The following SAMMSON variants were observed in gnomAD, a reference collection of about 807,000 sequenced individuals.
The protein encoded by SAMMSON is survival associated mitochondrial melanoma specific oncogenic non-coding RNA.
intron 7 of SAMMSON, among the ~76,000 whole-genome samples, chr3:70,340,787 C>T (rs1414389013): frequency 6.6e-6 from 1 of 152,036 alleles, no homozygotes; most frequent in Admixed American, 6.6e-5. Context: ...TGATTTTGCC[C>T]CTTGCACCTT....
At chr3:70,112,941 T>C (rs914343492) in intron 4 of SAMMSON, among the ~76,000 whole-genome samples, 5 of 152,142 alleles carry the variant, frequency 3.3e-5, no homozygotes, top group Admixed American at 6.5e-5. Context: ...GGAACATATT[T>C]TGGAGTATTG....
At chr3:70,303,767 C>T (rs906045312) in intron 7 of SAMMSON, among the ~76,000 whole-genome samples, 14 of 152,206 alleles carry the variant, frequency 9.2e-5, no homozygotes, top group African/African-American at 2.2e-4. Context: ...CTGCAACCTC[C>T]GCCTCCTGGG....
intron 7 of SAMMSON, among the ~76,000 whole-genome samples, chr3:70,342,430 T>C (rs1299653849): frequency 6.6e-6 from 1 of 152,182 alleles, no homozygotes; most frequent in East Asian, 1.9e-4. Context: ...CATGAATAAT[T>C]GATGACAACT....
intron 4 of SAMMSON, among the ~76,000 whole-genome samples, chr3:70,140,706 A>G (rs1263280040): frequency 2.0e-5 from 3 of 152,178 alleles, no homozygotes; most frequent in African/African-American, 7.2e-5. Flanking sequence ...CCAAATATCC[A>G]ATTTCTTTGC....
At chr3:70,377,986 T>C (rs1468002125) in intron 9 of SAMMSON, among the ~76,000 whole-genome samples, 3 of 152,078 alleles carry the variant, frequency 2.0e-5, no homozygotes, top group African/African-American at 7.2e-5. Context: ...CATACATTGA[T>C]GGTGGGATTG....
Position 70,314,012 on chromosome 3 carries a change from A to G in SAMMSON, n.739+22769A>G, listed in dbSNP as rs566924529. The stretch of plus-strand genomic sequence containing the variant: ...TGCTTCTGTTATCAATACTCCTAGA[A>G]ATGTTTCCATCTCCACCCCTACCTT... On this transcript the variant is annotated intron_variant and non_coding_transcript_variant, in intron 7 of 9. Transcript: ENST00000642114. Among the ~76,000 whole-genome samples the G allele has an allele frequency of 3.9e-5, 6 of 152,200 alleles. 1 individual carries two copies. In the East Asian group the frequency reaches 1.2e-3, roughly 30 times the overall value.
chr3:70,330,645 C>G (rs528165814), intron 7 of SAMMSON, among the ~76,000 whole-genome samples: 1 of 151,994 alleles, frequency 6.6e-6, no homozygotes, highest in East Asian at 1.9e-4. Flanking sequence ...TAATATTATG[C>G]TATTTGAGTC....
At chr3:70,270,415 T>A (rs1325200643) in intron 6 of SAMMSON, among the ~76,000 whole-genome samples, 1 of 152,160 alleles carries the variant, frequency 6.6e-6, no homozygotes, top group Non-Finnish European at 1.5e-5. Flanking sequence ...CAAACACATA[T>A]AAATACAAGA....
At chr3:70,125,907 C>G (rs1163025637) in intron 4 of SAMMSON, 19 of 700,856 alleles carry the variant, frequency 2.7e-5, no homozygotes, top group Non-Finnish European at 2.1e-5. Flanking sequence ...TAGATAATTC[C>G]TCATCGTCTT....
intron 6 of SAMMSON, among the ~76,000 whole-genome samples, chr3:70,259,372 G>C (rs1445410255): frequency 2.6e-5 from 4 of 151,280 alleles, no homozygotes; most frequent in African/African-American, 7.3e-5. Flanking sequence ...GACAGTGGAA[G>C]AAATCACAAC....
At chr3:70,018,914 A>G (rs2066998630) in intron 3 of SAMMSON, among the ~76,000 whole-genome samples, 1 of 152,184 alleles carries the variant, frequency 6.6e-6, no homozygotes, top group Non-Finnish European at 1.5e-5. Context: ...CTTAATCCTG[A>G]GTTCTAGTTT....
chr3:70,181,097 G>A (rs987314150), intron 4 of SAMMSON, among the ~76,000 whole-genome samples: 3 of 152,146 alleles, frequency 2.0e-5, no homozygotes, highest in African/African-American at 7.2e-5. Context: ...AGAGTATCAA[G>A]CAAGGAAGTG....
At chr3:70,288,519 A>G (rs571670515) in intron 6 of SAMMSON, among the ~76,000 whole-genome samples, 24 of 150,716 alleles carry the variant, frequency 1.6e-4, no homozygotes, top group African/African-American at 4.9e-4. Context: ...GTGGTGCTGA[A>G]AAAAATGTAT....
At chr3:70,174,778 C>T (rs1331041343) in intron 4 of SAMMSON, among the ~76,000 whole-genome samples, 5 of 151,558 alleles carry the variant, frequency 3.3e-5, no homozygotes, top group Non-Finnish European at 7.4e-5. Context: ...TTTTAGGCTG[C>T]CATCTATGAG....
intron 4 of SAMMSON, among the ~76,000 whole-genome samples, chr3:70,236,669 C>G (rs1559541806): frequency 6.6e-6 from 1 of 152,118 alleles, no homozygotes; most frequent in African/African-American, 2.4e-5. Context: ...AATCATGGCT[C>G]GCTGCAGTCT....
At chr3:70,269,116 A>T (rs1701951326) in intron 6 of SAMMSON, among the ~76,000 whole-genome samples, 1 of 152,206 alleles carries the variant, frequency 6.6e-6, no homozygotes, top group South Asian at 2.1e-4. Context: ...GAGTGGAATA[A>T]TAATATTTAC....
chr3:70,371,760 A>T (rs1433411988), intron 9 of SAMMSON, among the ~76,000 whole-genome samples: 2 of 152,032 alleles, frequency 1.3e-5, no homozygotes, highest in Non-Finnish European at 2.9e-5. Flanking sequence ...TTCTACATAT[A>T]AGTTCATGTC....
intron 2 of SAMMSON, among the ~76,000 whole-genome samples, chr3:70,428,049 G>A (rs979894478): frequency 2.0e-5 from 3 of 152,034 alleles, no homozygotes; most frequent in African/African-American, 7.2e-5. Context: ...CAAAATATGT[G>A]AGAAGCCATC....
intron 2 of SAMMSON, among the ~76,000 whole-genome samples, chr3:70,397,934 T>C (rs1190870288): frequency 6.6e-6 from 1 of 152,230 alleles, no homozygotes; most frequent in Non-Finnish European, 1.5e-5. Flanking sequence ...TTAGCTTTTC[T>C]AACATCCTAG....
Sources: gnomAD v4.1 joint callset for allele counts (sites outside exome capture counted in the v4.1 genomes callset) on GRCh38, gnomAD v4.1.1 for gene constraint, MANE v1.5 for transcripts, NCBI Gene and HGNC (gene_info 2026-07-23, HGNC 2026-07-21) for gene names.